Variants in TEX15 observed in about 807,000 individuals in gnomAD.
TEX15 encodes testis expressed 15, meiosis and synapsis associated.
TEX15 carries 171 observed loss-of-function variants against 237.3 expected under a neutral mutation model. The ratio of observed to expected loss-of-function variants is 0.72; its 90% CI spans 0.64 to 0.82. TEX15 has a LOEUF of 0.82. TEX15 is among the 40% of genes least tolerant of loss of function. The pLI, the probability that TEX15 is intolerant of heterozygous loss-of-function variation, is 0.00. For missense variants in TEX15, 3,750 were observed against 3,646.5 expected, an observed-to-expected ratio of 1.03 and a Z score of -0.73; for synonymous variants, 1,338 against 1,269.8, an observed-to-expected ratio of 1.05 and a Z score of -1.14.
chr8:30,895,676 C>CTTTTTT (rs34002027), intron 2 of TEX15, among the ~76,000 whole-genome samples: 3,939 of 60,034 alleles, frequency 0.066, 923 homozygotes, highest in African/African-American at 0.16. Flanking sequence ...TAAACACATG[C>CTTTTTT]TTTTTTTTTT....
intron 5 of TEX15, among the ~76,000 whole-genome samples, chr8:30,863,209 A>G (rs1808088882): frequency 6.6e-6 from 1 of 152,110 alleles, no homozygotes; most frequent in Admixed American, 6.6e-5. Context: ...GAAATCTGAA[A>G]CCCTAAATGC....
chr8:30,874,871 T>TA (rs1223558199), intron 4 of TEX15, 66 bp downstream of exon 4: 4 of 953,750 alleles, frequency 4.2e-6, no homozygotes, highest in Non-Finnish European at 5.5e-6. Context: ...AGAAATGAAT[T>TA]AGCATAAAAC....
intron 2 of TEX15, chr8:30,890,545 T>G (rs1808775764): frequency 6.6e-6 from 1 of 152,180 alleles, no homozygotes; most frequent in Admixed American, 6.5e-5. Flanking sequence ...ATCTTCAAAG[T>G]CATCAATGAT....
intron 3 of TEX15, among the ~76,000 whole-genome samples, chr8:30,875,405 G>A (rs1001226472): frequency 6.6e-6 from 1 of 152,188 alleles, no homozygotes; most frequent in African/African-American, 2.4e-5. Context: ...ACTGTACAAT[G>A]CACATCATTA....
At chr8:30,868,819 A>T in intron 4 of TEX15, among the ~76,000 whole-genome samples, 1 of 151,774 alleles carries the variant, frequency 6.6e-6, no homozygotes, top group Non-Finnish European at 1.5e-5. Flanking sequence ...TAAACCCTAC[A>T]GCAGGGTTTT....
At position 30,846,715 on chromosome 8, in the gene TEX15, A is replaced by G; in HGVS notation, c.3452T>C (p.Ile1151Thr). 6.2e-7 allele frequency: 1 copy of G among 1,613,622 alleles called. No homozygotes were observed. The highest frequency in any genetic ancestry group is 8.5e-7 in the Non-Finnish European group (1 of 1,179,754). Residue 1151 changes from isoleucine (I) to threonine (T), a missense_variant, in exon 8 of 11, where the codon ATT (isoleucine) becomes ACT (threonine). Ile to Thr is a moderately conservative substitution (Grantham distance 89). Coordinates refer to ENST00000643185, the MANE Select transcript of TEX15 (RefSeq NM_001350162.2). ...TTTAATTTGTAGATCTGGAAGTAAA[A>G]TTGGGCTGGTAAGTTCTGTTTCATT... ...QNNETELTSP[I>T]LLPDLQIKIT...
chr8:30,850,363 A>G (rs2128768715), intron 7 of TEX15, among the ~76,000 whole-genome samples: 1 of 152,314 alleles, frequency 6.6e-6, no homozygotes, highest in African/African-American at 2.4e-5. Context: ...TTTCTCATAA[A>G]TGTTCACCAA....
intron 8 of TEX15, among the ~76,000 whole-genome samples, chr8:30,841,765 A>T (rs990610154): frequency 6.6e-6 from 1 of 152,208 alleles, no homozygotes; most frequent in African/African-American, 2.4e-5. Context: ...ATGTTTTCTA[A>T]GTTAAAACAT....
intron 10 of TEX15, among the ~76,000 whole-genome samples, chr8:30,833,807 A>T (rs1449426669): frequency 6.6e-6 from 1 of 152,182 alleles, no homozygotes; most frequent in Non-Finnish European, 1.5e-5. Context: ...AATTTTTTTT[A>T]GAGTGACTTT....
chr8:30,837,144 T>C lies in TEX15; in HGVS notation c.9140A>G (p.Tyr3047Cys). The change falls in exon 10 of 11, where the codon TAT (tyrosine) becomes TGT (cysteine). Residue 3047 changes from tyrosine (Y) to cysteine (C), a missense_variant. By Grantham distance (194) the Tyr-to-Cys change is radical (BLOSUM62 -2). Transcript: ENST00000643185. ...ATTGCCATTGCTGTTGCTGTACTGA[T>C]AAACACACCAAGCAGAGTATGGATA... ...TSYPYSAWCV[Y>C]QYSNSNGNAI... 2 of 1,614,088 alleles carry C rather than the reference T, an allele frequency of 1.2e-6. No individual in the cohort carries two copies. Among genetic ancestry groups the C allele is most frequent in the Non-Finnish European group, 1.7e-6 (2 of 1,179,954 alleles).
chr8:30,845,774 T>A lies in TEX15; in HGVS notation c.4393A>T (p.Ile1465Phe). Residue 1465 changes from isoleucine (I) to phenylalanine (F), a missense_variant, in exon 8 of 11, where the codon ATT becomes TTT. Transcript: ENST00000643185. ...RRKKRAPKAD[I>F]SKSLTHVSKH... ...GACACATGGGTTAATGATTTAGAAA[T>A]ATCAGCTTTTGGAGCTCTTTTCTTT... The A allele has an allele frequency of 6.2e-7, 1 of 1,612,768 alleles. No individual in the cohort carries two copies. Among genetic ancestry groups the A allele is most frequent in the Non-Finnish European group, 8.5e-7 (1 of 1,179,478 alleles).
At chr8:30,882,328 C>G (rs1380315223) in intron 3 of TEX15, among the ~76,000 whole-genome samples, 1 of 152,174 alleles carries the variant, frequency 6.6e-6, no homozygotes, top group Non-Finnish European at 1.5e-5. Context: ...GCTCTGTCAC[C>G]CAGGCTGGAG....
intron 7 of TEX15, among the ~76,000 whole-genome samples, chr8:30,852,875 T>C (rs1382049175): frequency 6.6e-6 from 1 of 152,324 alleles, no homozygotes; most frequent in Non-Finnish European, 1.5e-5. Context: ...TAGCCACATG[T>C]GGTTACTGAG....
Position 30,845,721 on chromosome 8 carries a change from T to C in TEX15, c.4446A>G (p.Gly1482=). ...VSKHKSYKTS[G]EKKCLSRKSM... ...TTTTCCTAGAAAGGCATTTTTTCTCTCCACTTGTTTTATAAGACTTGTGCT... is the reference window on the plus strand; with the variant it reads ...TTTTCCTAGAAAGGCATTTTTTCTCCCCACTTGTTTTATAAGACTTGTGCT... The change falls in exon 8 of 11, where the codon GGA becomes GGG. Residue 1482 remains glycine (G), a synonymous_variant. Coordinates refer to ENST00000643185, the MANE Select transcript of TEX15 (RefSeq NM_001350162.2). The C allele has an allele frequency of 6.2e-7, 1 of 1,613,668 alleles. No individual in the cohort carries two copies. The highest frequency in any genetic ancestry group is 2.2e-5 in the East Asian group (1 of 44,862).
chr8:30,849,465 G>C (rs1807719368), intron 7 of TEX15, 149 bp from the exon 8 acceptor site: 3 of 496,756 alleles, frequency 6.0e-6, no homozygotes. Context: ...AAAAAGCAAA[G>C]AGAGAAGGGG....
At chr8:30,878,524 C>T (rs1279556340) in intron 3 of TEX15, among the ~76,000 whole-genome samples, 1 of 152,116 alleles carries the variant, frequency 6.6e-6, no homozygotes, top group Non-Finnish European at 1.5e-5. Context: ...GCTAGGATTA[C>T]AGGCATGCGC....
At chr8:30,873,219 T>C (rs1231810754) in intron 4 of TEX15, among the ~76,000 whole-genome samples, 1 of 152,198 alleles carries the variant, frequency 6.6e-6, no homozygotes, top group Non-Finnish European at 1.5e-5. Context: ...AGATTTGTGC[T>C]TTACCACATC....
chr8:30,872,759 C>CA (rs1191313519), intron 4 of TEX15, among the ~76,000 whole-genome samples: 1 of 151,096 alleles, frequency 6.6e-6, no homozygotes, highest in South Asian at 2.1e-4. Context: ...TTAAAAAAAA[C>CA]AAAAAACAGA....
rs755147400 is a variant in TEX15 at position 30,842,053 on chromosome 8, G to A, written c.8114C>T (p.Ser2705Phe). 9 of 1,609,768 alleles carry A rather than the reference G, an allele frequency of 5.6e-6. No homozygotes were observed. The highest frequency in any genetic ancestry group is 1.3e-5 in the African/African-American group (1 of 74,614). Reference protein sequence around the residue: ...RPSTVDKCEDSQEQQQDTTVS... With the variant: ...RPSTVDKCEDFQEQQQDTTVS... ...AGTAGTATCTTGCTGTTGTTCCTGAGAGTCTTCACATTTGTCTACAGTGCT... is the reference window on the plus strand; with the variant it reads ...AGTAGTATCTTGCTGTTGTTCCTGAAAGTCTTCACATTTGTCTACAGTGCT... The change falls in exon 8 of 11, where the codon TCT becomes TTT. Residue 2705 changes from serine (S) to phenylalanine (F), a missense_variant. Transcript: ENST00000643185.
Sources: gnomAD v4.1 joint callset for allele counts (sites outside exome capture counted in the v4.1 genomes callset) on GRCh38, gnomAD v4.1.1 for gene constraint, MANE v1.5 for transcripts, NCBI Gene and HGNC (gene_info 2026-07-23, HGNC 2026-07-21) for gene names.